CTNNA3: variants seen among roughly 807,000 people sequenced by gnomAD.
CTNNA3 encodes catenin alpha 3.
CTNNA3 carries 76 observed loss-of-function variants against 95.7 expected under a neutral mutation model. The observed-to-expected ratio is 0.79, with a 90% CI of 0.66 to 0.96. CTNNA3 has a LOEUF of 0.96. Among genes scored for constraint, CTNNA3 ranks in the 40% least tolerant of loss-of-function variants. The pLI is 0.00. For missense variants in CTNNA3, 1,191 were observed against 1,089.8 expected, an observed-to-expected ratio of 1.09 and a Z score of -1.31; for synonymous variants, 431 against 374.4, an observed-to-expected ratio of 1.15 and a Z score of -1.74.
chr10:67,472,385 A>G (rs1482407747), intron 5 of CTNNA3, among the ~76,000 whole-genome samples: 1 of 152,204 alleles, frequency 6.6e-6, no homozygotes, highest in East Asian at 1.9e-4. Context: ...CACTGGTAAA[A>G]CAAGAGACAG....
chr10:66,761,721 G>C (rs141587901), intron 9 of CTNNA3, among the ~76,000 whole-genome samples: 1,769 of 152,150 alleles, frequency 0.012, 32 homozygotes, highest in African/African-American at 0.039. Context: ...ACCACTTTAA[G>C]GTTAGAAACT....
rs961518509 is a variant in CTNNA3, at chr10:66,621,793, C to T, written c.1282-9G>A. On this transcript the variant is annotated splice_polypyrimidine_tract_variant and intron_variant, in intron 9 of 17. Transcript: ENST00000433211. ...CAAGCAAGATTTGCCACCTTAAATA[C>T]AATCCAAAATAATGGAAATTATTTT... The T allele has an allele frequency of 5.1e-6, 8 of 1,566,620 alleles. No homozygotes were observed. The highest frequency in any genetic ancestry group is 7.0e-6 in the Non-Finnish European group (8 of 1,144,850).
chr10:65,923,000 G>C (rs1056902695), intron 17 of CTNNA3, among the ~76,000 whole-genome samples: 1 of 152,072 alleles, frequency 6.6e-6, no homozygotes, highest in Admixed American at 6.6e-5. Context: ...TCACTATCAC[G>C]AGAACAGCAT....
At chr10:66,691,705 C>T (rs1275913334) in intron 9 of CTNNA3, among the ~76,000 whole-genome samples, 1 of 152,180 alleles carries the variant, frequency 6.6e-6, no homozygotes, top group Non-Finnish European at 1.5e-5. Context: ...AAGAGGGAGG[C>T]ATCCCCCAGT....
intron 11 of CTNNA3, among the ~76,000 whole-genome samples, chr10:66,426,285 T>C (rs899470294): frequency 5.9e-5 from 9 of 152,112 alleles, no homozygotes; most frequent in Non-Finnish European, 4.4e-5. Flanking sequence ...GTTATTGTTT[T>C]AATTATACTG....
At chr10:66,481,662 G>C (rs561768496) in intron 11 of CTNNA3, among the ~76,000 whole-genome samples, 1 of 136,586 alleles carries the variant, frequency 7.3e-6, no homozygotes, top group Non-Finnish European at 1.5e-5. Context: ...TAGTAGAGAC[G>C]GGGTTTCACC....
chr10:66,907,667 T>G (rs1222710666), intron 7 of CTNNA3, among the ~76,000 whole-genome samples: 1 of 152,178 alleles, frequency 6.6e-6, no homozygotes, highest in Non-Finnish European at 1.5e-5. Context: ...AGTTTTCTAT[T>G]CACTCTACCA....
At chr10:66,875,765 CA>C (rs1273475764) in intron 7 of CTNNA3, among the ~76,000 whole-genome samples, 1 of 152,106 alleles carries the variant, frequency 6.6e-6, no homozygotes, top group Non-Finnish European at 1.5e-5. Flanking sequence ...CCGATTCATG[CA>C]ATTATTGTGG....
intron 13 of CTNNA3, among the ~76,000 whole-genome samples, chr10:66,206,364 C>T (rs1429621048): frequency 6.6e-6 from 1 of 151,932 alleles, no homozygotes; most frequent in Non-Finnish European, 1.5e-5. Context: ...TTGTAGAGAT[C>T]ATGTATATGT....
At position 65,920,146 on chromosome 10, in the gene CTNNA3, C is replaced by G. The variant is rs2077059298; in HGVS notation, c.*184G>C. On this transcript the variant is annotated 3_prime_UTR_variant, in exon 18 of 18. Transcript: ENST00000433211. ...CCTTAACTATTAGGTGCTGACCATA[C>G]AGAAATGACAGTGATATGATCCCAA... is the stretch of plus-strand genomic sequence containing the variant. The G allele has an allele frequency of 1.7e-6, 1 of 597,380 alleles. No homozygotes were observed. Among genetic ancestry groups the G allele is most frequent in the Non-Finnish European group, 3.0e-6 (1 of 337,536 alleles). The allele number at this position is 597,380 out of a possible 1,614,324, so 37.0% of individuals were successfully genotyped here. A position where few individuals can be genotyped will look rare whatever the true frequency, so the allele number is the denominator to read the frequency against.
chr10:67,743,321 T>C (rs1164734240), intron 1 of CTNNA3, among the ~76,000 whole-genome samples: 1 of 151,186 alleles, frequency 6.6e-6, no homozygotes, highest in Admixed American at 6.6e-5. Flanking sequence ...GTGGGCTTCA[T>C]CCCTGGGATG....
At chr10:65,927,621 T>A (rs1022617610) in intron 17 of CTNNA3, among the ~76,000 whole-genome samples, 1 of 152,236 alleles carries the variant, frequency 6.6e-6, no homozygotes, top group East Asian at 1.9e-4. Flanking sequence ...TGTTGCTGCA[T>A]GTACCAGTAG....
intron 11 of CTNNA3, among the ~76,000 whole-genome samples, chr10:66,440,636 C>T (rs111539438): frequency 0.011 from 1,661 of 152,208 alleles, 36 homozygotes; most frequent in African/African-American, 0.038. Context: ...AACCACTTCA[C>T]TATTCTTGTT....
At position 66,045,400 on chromosome 10, in the gene CTNNA3, C is replaced by T. The variant is rs190613848; in HGVS notation, c.2159+23908G>A. The stretch of plus-strand genomic sequence containing the variant: ...ACCCTGAAAACTTATTGTGAGACTA[C>T]ATCCTCTGCCCCTTAATTGTCCTTA... On this transcript the variant is annotated intron_variant, in intron 15 of 17. Transcript: ENST00000433211. 3.3e-5 allele frequency among the ~76,000 whole-genome samples: 5 copies of T among 152,330 alleles called. No individual in the cohort carries two copies. In the East Asian group the frequency reaches 9.6e-4, roughly 29 times the overall value.
intron 12 of CTNNA3, among the ~76,000 whole-genome samples, chr10:66,324,219 C>T (rs529698190): frequency 8.2e-4 from 125 of 152,074 alleles, no homozygotes; most frequent in African/African-American, 2.8e-3. Context: ...ACTTGGGAGG[C>T]TGAGGCAGAA....
At chr10:65,961,001 G>A (rs930851785) in intron 17 of CTNNA3, among the ~76,000 whole-genome samples, 7 of 151,848 alleles carry the variant, frequency 4.6e-5, no homozygotes, top group South Asian at 4.1e-4. Flanking sequence ...CTTTCTACCC[G>A]TTCTAACATC....
chr10:66,061,449 G>A (rs10509254), intron 15 of CTNNA3, among the ~76,000 whole-genome samples: 35,519 of 151,882 alleles, frequency 0.23, 4,190 homozygotes, highest in Admixed American at 0.26. Flanking sequence ...TCCAACTGTG[G>A]CCGGATCCAT....
intron 17 of CTNNA3, among the ~76,000 whole-genome samples, chr10:65,923,732 G>T (rs61423354): frequency 2.7e-4 from 41 of 152,214 alleles, no homozygotes; most frequent in Non-Finnish European, 5.4e-4. Context: ...TCAATGTTCC[G>T]TTAGAATGTG....
chr10:66,015,251 C>T (rs540945887), intron 15 of CTNNA3, among the ~76,000 whole-genome samples: 1 of 152,180 alleles, frequency 6.6e-6, no homozygotes, highest in African/African-American at 2.4e-5. Context: ...AGAATATTAA[C>T]CATATCAACA....
Sources: allele counts gnomAD v4.1 joint callset (sites outside exome capture counted in the v4.1 genomes callset), GRCh38; gene constraint gnomAD v4.1.1; transcripts MANE v1.5; gene names NCBI Gene and HGNC (gene_info 2026-07-23, HGNC 2026-07-21).